The following DISP1 variants were observed in gnomAD, a reference collection of about 807,000 sequenced individuals.
The protein encoded by DISP1 is dispatched RND transporter family member 1.
DISP1 carries 30 observed loss-of-function variants against 37.3 expected under a neutral mutation model. The ratio of observed to expected loss-of-function variants is 0.80; its 90% confidence interval spans 0.60 to 1.09. The LOEUF is 1.09. DISP1 is among the 50% of genes least tolerant of loss of function. The pLI, the probability that DISP1 is intolerant of heterozygous loss-of-function variation, is 0.00. For missense variants in DISP1, 1,598 were observed against 1,879.5 expected (o/e 0.85, Z 2.77); for synonymous variants, 634 against 690.2 (o/e 0.92, Z 1.28).
intron 1 of DISP1, among the ~76,000 whole-genome samples, chr1:222,885,887 G>C (rs955717731): frequency 2.6e-5 from 4 of 151,038 alleles, no homozygotes; most frequent in African/African-American, 9.8e-5. Context: ...CACACACACA[G>C]ACACACATAC....
At chr1:222,934,597 T>C (rs1006991742) in intron 2 of DISP1, among the ~76,000 whole-genome samples, 2 of 152,134 alleles carry the variant, frequency 1.3e-5, no homozygotes, top group Admixed American at 1.3e-4. Flanking sequence ...CCATTTCATA[T>C]TAAAACAAGT....
At chr1:222,863,984 A>C (rs1669030114) in intron 1 of DISP1, among the ~76,000 whole-genome samples, 1 of 152,180 alleles carries the variant, frequency 6.6e-6, no homozygotes, top group Non-Finnish European at 1.5e-5. Context: ...GGTATTTTAA[A>C]ACCAAGATTT....
At chr1:222,936,653 C>CTCTCATATATATGAGATATATATATA (rs1558339276) in intron 2 of DISP1, among the ~76,000 whole-genome samples, 5 of 33,510 alleles carry the variant, frequency 1.5e-4, no homozygotes, top group South Asian at 1.5e-3. Context: ...ATATATATAT[C>CTCTCATATATATGAGATATATATATA]TCTCATATAT....
intron 3 of DISP1, among the ~76,000 whole-genome samples, chr1:222,966,358 C>G (rs1676487912): frequency 1.3e-5 from 2 of 152,084 alleles, no homozygotes; most frequent in Admixed American, 1.3e-4. Context: ...AGTTTTGTTG[C>G]TCATCAGAGG....
intron 8 of DISP1, among the ~76,000 whole-genome samples, chr1:223,000,691 C>G (rs1390620057): frequency 6.6e-6 from 1 of 152,088 alleles, no homozygotes; most frequent in African/African-American, 2.4e-5. Context: ...CATCTATACC[C>G]CACCCCCACA....
intron 2 of DISP1, among the ~76,000 whole-genome samples, chr1:222,936,990 A>AC (rs1558340673): frequency 1.4e-5 from 1 of 69,692 alleles, no homozygotes; most frequent in Non-Finnish European, 3.1e-5. Flanking sequence ...TAATATATAT[A>AC]ATATTATATA....
intron 1 of DISP1, among the ~76,000 whole-genome samples, chr1:222,880,926 T>TG (rs1670236337): frequency 6.6e-6 from 1 of 152,022 alleles, no homozygotes; most frequent in African/African-American, 2.4e-5. Flanking sequence ...CTGGGTGTGG[T>TG]GGTGTGCACC....
Position 222,893,512 on chromosome 1 carries a change from G to A in DISP1, c.-158-34918G>A, listed in dbSNP as rs548590668. Reference sequence around the variant, plus strand: ...GAGGGCTGTGTGGGCGAGTGAGTGTGAGGTCTGGCTGCTGTGCACAGACAG... The same window carrying A: ...GAGGGCTGTGTGGGCGAGTGAGTGTAAGGTCTGGCTGCTGTGCACAGACAG... On this transcript the variant is annotated intron_variant, in intron 1 of 8. Transcript: ENST00000675850. This position sits in a 1 kb window ranked among gnomAD's most constrained non-coding sequence, Gnocchi z 4.3. Among the ~76,000 whole-genome samples, 441 of 152,354 alleles carry A rather than the reference G, an allele frequency of 2.9e-3. 2 individuals carry two copies. The highest frequency in any genetic ancestry group is 0.01 in the African/African-American group (417 of 41,588).
chr1:222,952,497 T>A (rs4317816), intron 3 of DISP1, among the ~76,000 whole-genome samples: 42,780 of 152,108 alleles, frequency 0.28, 6,313 homozygotes, highest in South Asian at 0.4. Context: ...TTCTACTTAG[T>A]ATTTGCTTGT....
intron 1 of DISP1, among the ~76,000 whole-genome samples, chr1:222,919,682 A>G (rs188237395): frequency 6.6e-5 from 10 of 152,346 alleles, no homozygotes; most frequent in Admixed American, 4.6e-4. Context: ...ATAGCATGAC[A>G]TAATTTTGAA....
intron 2 of DISP1, among the ~76,000 whole-genome samples, chr1:222,931,399 T>C (rs1673386260): frequency 6.6e-6 from 1 of 151,922 alleles, no homozygotes; most frequent in South Asian, 2.1e-4. Context: ...TTTGTTAAGC[T>C]CGGTAATATG....
intron 4 of DISP1, chr1:222,989,655 A>G: frequency 1.4e-6 from 1 of 718,448 alleles, no homozygotes; most frequent in African/African-American, 1.9e-5. Context: ...TACAAGCATC[A>G]GATGTTTGTT....
Position 223,003,634 on chromosome 1 carries a change from C to T in DISP1, c.2237C>T (p.Ser746Leu), listed in dbSNP as rs1045187099. 1 of 1,614,070 alleles carries T rather than the reference C, an allele frequency of 6.2e-7. No homozygotes were observed. The highest frequency in any genetic ancestry group is 1.3e-5 in the African/African-American group (1 of 74,914). ...VCINPKMKLP[S>L]LELSEFQVFR... is the part of the protein sequence containing the mutation. ...ATAAATCCAAAGATGAAACTGCCCT[C>T]ACTGGAGTTATCCGAGTTCCAGGTG... The change falls in exon 9 of 9, where the codon TCA becomes TTA. Residue 746 changes from serine (S) to leucine (L), a missense_variant. Physicochemically the swap from Ser to Leu is moderately radical, Grantham distance 145. Transcript: ENST00000675850. The surrounding 1 kb of genome is among the most constrained non-coding windows in gnomAD (Gnocchi z 4.3).
intron 3 of DISP1, among the ~76,000 whole-genome samples, chr1:222,951,874 T>C (rs1675249401): frequency 2.0e-5 from 3 of 152,230 alleles, no homozygotes. Flanking sequence ...ACAGAATAGC[T>C]GTTGTATTCT....
intron 3 of DISP1, among the ~76,000 whole-genome samples, chr1:222,963,305 A>G (rs1177014874): frequency 6.6e-6 from 1 of 152,202 alleles, no homozygotes; most frequent in Non-Finnish European, 1.5e-5. Context: ...AGAAGTAGGA[A>G]CACTTTACAC....
chr1:222,944,648 T>C (rs895976939), intron 3 of DISP1, among the ~76,000 whole-genome samples: 12 of 152,218 alleles, frequency 7.9e-5, no homozygotes, highest in African/African-American at 2.9e-4. Flanking sequence ...TTATTCCCTC[T>C]GTCTTCACCA....
chr1:222,897,250 A>G (rs1671315847), intron 1 of DISP1, among the ~76,000 whole-genome samples: 1 of 152,224 alleles, frequency 6.6e-6, no homozygotes, highest in Admixed American at 6.5e-5. Flanking sequence ...AGTTCCATTT[A>G]GGAAGTTCTA....
At chr1:222,942,247 C>A (rs1344886669) in intron 2 of DISP1, among the ~76,000 whole-genome samples, 1 of 152,236 alleles carries the variant, frequency 6.6e-6, no homozygotes, top group South Asian at 2.1e-4. Context: ...GCTTTCCTGA[C>A]TGGTTTTAAT....
At chr1:222,896,925 G>T (rs2125397693) in intron 1 of DISP1, among the ~76,000 whole-genome samples, 2 of 152,318 alleles carry the variant, frequency 1.3e-5, no homozygotes, top group South Asian at 4.1e-4. Context: ...TGAAAAACAA[G>T]TGTGAAATGG....
Sources: gnomAD v4.1 joint callset for allele counts (sites outside exome capture counted in the v4.1 genomes callset) on GRCh38, gnomAD v4.1.1 for gene constraint, Gnocchi (gnomAD v3.1) non-coding constraint, MANE v1.5 for transcripts, NCBI Gene and HGNC (gene_info 2026-07-23, HGNC 2026-07-21) for gene names.